The following CMC1 variants were observed in gnomAD, a reference collection of about 807,000 sequenced individuals.
CMC1 encodes the protein C-X9-C motif containing 1, also known as COX assembly mitochondrial protein homolog.
In CMC1, 14 loss-of-function variants were observed where a neutral mutation model predicts 14.1. The ratio of observed to expected loss-of-function variants is 0.99; its 90% CI spans 0.66 to 1.55. The LOEUF (loss-of-function observed/expected upper bound fraction) is 1.55, where lower values mean the gene tolerates loss of function less well. Ranked by LOEUF, CMC1 falls within the 40% of genes most tolerant of loss-of-function variation. CMC1 has a pLI of 0.00. For missense variants in CMC1, 127 were observed against 123.8 expected, an observed-to-expected ratio of 1.03 and a Z score of -0.12; for synonymous variants, 50 against 38.4, an observed-to-expected ratio of 1.30 and a Z score of -1.12.
Position 28,324,402 on chromosome 3 carries a change from C to T in CMC1, c.*4773C>T. 6.5e-7 allele frequency: 1 copy of T among 1,546,220 alleles called. No homozygotes were observed. The highest frequency in any genetic ancestry group is 8.7e-7 in the Non-Finnish European group (1 of 1,145,764). ...ATGTTGCAGTAAAATTCATCAAGTG[C>T]AGTTTTGTGCTGTCTCTTCCAAGGT... is the stretch of plus-strand genomic sequence containing the variant. On this transcript the variant is annotated 3_prime_UTR_variant, in exon 4 of 4. Transcript: ENST00000466830.
At chr3:28,268,262 A>C (rs906885574) in intron 2 of CMC1, among the ~76,000 whole-genome samples, 2 of 152,170 alleles carry the variant, frequency 1.3e-5, no homozygotes, top group Non-Finnish European at 2.9e-5. Flanking sequence ...TATTACAGCA[A>C]AAAGATACAA....
intron 2 of CMC1, among the ~76,000 whole-genome samples, chr3:28,299,752 T>C (rs1701928284): frequency 1.3e-5 from 2 of 151,964 alleles, no homozygotes; most frequent in Non-Finnish European, 2.9e-5. Flanking sequence ...CTTAGTTTAC[T>C]TTTTTTTATG....
Position 28,322,532 on chromosome 3 carries a change from T to A in CMC1, c.*2903T>A, listed in dbSNP as rs2125628549. The A allele has an allele frequency of 6.6e-6, 1 of 151,762 alleles. No individual in the cohort carries two copies. Among genetic ancestry groups the A allele is most frequent in the African/African-American group, 2.4e-5 (1 of 41,460 alleles). The allele number at this position is 151,762 out of a possible 1,614,324, so 9.4% of individuals were successfully genotyped here. ...GAGATCAGATATAATATACAGCCTATGCAGCCACATGAGAAATAGTTTTTG... is the reference window on the plus strand; with the variant it reads ...GAGATCAGATATAATATACAGCCTAAGCAGCCACATGAGAAATAGTTTTTG... On this transcript the variant is annotated 3_prime_UTR_variant, in exon 4 of 4. Coordinates refer to ENST00000466830, the MANE Select transcript of CMC1 (RefSeq NM_182523.2).
chr3:28,255,941 A>C (rs1218750560), intron 1 of CMC1, among the ~76,000 whole-genome samples: 2 of 152,140 alleles, frequency 1.3e-5, no homozygotes, highest in Non-Finnish European at 2.9e-5. Context: ...AGATAGGGTC[A>C]TTGAGAAATA....
At chr3:28,306,548 G>T (rs538061671) in intron 2 of CMC1, among the ~76,000 whole-genome samples, 25 of 151,802 alleles carry the variant, frequency 1.6e-4, no homozygotes, top group East Asian at 9.7e-4. Context: ...CTTTACTGAT[G>T]TCATTTATCA....
At chr3:28,283,591 T>C (rs1701024778) in intron 2 of CMC1, among the ~76,000 whole-genome samples, 1 of 151,634 alleles carries the variant, frequency 6.6e-6, no homozygotes, top group South Asian at 2.1e-4. Flanking sequence ...AAACCAATTC[T>C]CTGCAGTAAT....
chr3:28,300,265 T>G (rs544707030), intron 2 of CMC1, among the ~76,000 whole-genome samples: 29 of 152,312 alleles, frequency 1.9e-4, no homozygotes, highest in Middle Eastern at 3.4e-3. Context: ...TTTTGCTTGG[T>G]ATTGCTATAA....
chr3:28,282,653 T>G (rs927424161), intron 2 of CMC1, among the ~76,000 whole-genome samples: 3 of 152,214 alleles, frequency 2.0e-5, no homozygotes, highest in Non-Finnish European at 4.4e-5. Context: ...AAAGTTCACA[T>G]TGTCAGGCTG....
chr3:28,292,887 T>C (rs1285852128), intron 2 of CMC1: 2 of 152,194 alleles, frequency 1.3e-5, no homozygotes, highest in East Asian at 1.9e-4. Flanking sequence ...TTGATTCACA[T>C]TGAATTTATC....
chr3:28,321,404 C>T lies in CMC1; in HGVS notation c.*1775C>T, dbSNP rs1224240397. 1 of 151,388 alleles carries T rather than the reference C, an allele frequency of 6.6e-6. No individual in the cohort carries two copies. The highest frequency in any genetic ancestry group is 1.5e-5 in the Non-Finnish European group (1 of 67,566). The allele number at this position is 151,388 out of a possible 1,614,324, so 9.4% of individuals were successfully genotyped here. The stretch of plus-strand genomic sequence containing the variant: ...AATTCACTTATGTACATGTTGCTTT[C>T]CCCATAGAAGCCAGATTAGATTACA... On this transcript the variant is annotated 3_prime_UTR_variant, in exon 4 of 4. Transcript: ENST00000466830.
In CMC1 at chr3:28,288,104, G is replaced by C. The variant is rs192833057; in HGVS notation, c.109+24724G>C. Among the ~76,000 whole-genome samples, 21 of 151,944 alleles carry C rather than the reference G, an allele frequency of 1.4e-4. No individual in the cohort carries two copies. The East Asian group carries it at 3.9e-3, about 28-fold the overall frequency. On this transcript the variant is annotated intron_variant, in intron 2 of 3. Transcript: ENST00000466830. ...TTCCATCGTTACAAAAAAAATTATT[G>C]AACAGCTCTGGTATTGATATATGAA...
rs778559703 is a variant in CMC1, at chr3:28,319,660, A to G, written c.*31A>G. On this transcript the variant is annotated 3_prime_UTR_variant, in exon 4 of 4. Transcript: ENST00000466830. ...TACTCAAATGACATTCAGGAACTCT[A>G]ATATTCATGGAAGTCATTTTATAGT... 1.3e-6 allele frequency: 2 copies of G among 1,569,022 alleles called. No individual in the cohort carries two copies. Among genetic ancestry groups the G allele is most frequent in the Non-Finnish European group, 1.7e-6 (2 of 1,159,870 alleles).
intron 2 of CMC1, among the ~76,000 whole-genome samples, chr3:28,282,971 G>T (rs1700974962): frequency 6.6e-6 from 1 of 152,030 alleles, no homozygotes; most frequent in East Asian, 1.9e-4. Context: ...AGATTTCCAG[G>T]TCATCACACA....
intron 2 of CMC1, among the ~76,000 whole-genome samples, chr3:28,280,434 CTCTTA>C (rs1183344085): frequency 6.6e-6 from 1 of 152,032 alleles, no homozygotes; most frequent in Non-Finnish European, 1.5e-5. Context: ...AAATATTGAA[CTCTTA>C]TCACATGCAT....
At position 28,297,649 on chromosome 3, in the gene CMC1, G is replaced by C. The variant is rs182363940; in HGVS notation, c.110-18684G>C. On this transcript the variant is annotated intron_variant, in intron 2 of 3. Transcript: ENST00000466830. ...GGGAGCCATTACGCAGACATGTTTT[G>C]TTTTTCCTCTGCAGTGTTTTAGAAA... 4.3e-4 allele frequency among the ~76,000 whole-genome samples: 65 copies of C among 152,120 alleles called. 1 individual carries two copies. The East Asian group carries it at 0.012, about 28-fold the overall frequency.
intron 1 of CMC1, among the ~76,000 whole-genome samples, chr3:28,258,614 ATTTTTTTT>A (rs61323375): frequency 1.0e-5 from 1 of 99,128 alleles, no homozygotes; most frequent in African/African-American, 4.3e-5. Context: ...GTATTTCTGG[ATTTTTTTT>A]TTTTTTTTTT....
At chr3:28,281,528 G>A (rs946331623) in intron 2 of CMC1, among the ~76,000 whole-genome samples, 1 of 152,184 alleles carries the variant, frequency 6.6e-6, no homozygotes, top group African/African-American at 2.4e-5. Flanking sequence ...TTAATATCAT[G>A]TCTGTTAAAT....
At chr3:28,269,271 G>A (rs1232278520) in intron 2 of CMC1, among the ~76,000 whole-genome samples, 1 of 152,140 alleles carries the variant, frequency 6.6e-6, no homozygotes, top group East Asian at 1.9e-4. Flanking sequence ...TCAATTGTAT[G>A]TGTTAGCTCA....
chr3:28,314,315 G>GA (rs1249925291), intron 2 of CMC1, among the ~76,000 whole-genome samples: 1 of 152,320 alleles, frequency 6.6e-6, no homozygotes, highest in Non-Finnish European at 1.5e-5. Context: ...CGTCTCCACT[G>GA]AAAATGAGCT....
Sources: gnomAD v4.1 joint callset for allele counts (sites outside exome capture counted in the v4.1 genomes callset) on GRCh38, gnomAD v4.1.1 for gene constraint, MANE v1.5 for transcripts, NCBI Gene and HGNC (gene_info 2026-07-23, HGNC 2026-07-21) for gene names.